SLC2A7: variants seen among roughly 807,000 people sequenced by gnomAD.
SLC2A7 encodes the protein solute carrier family 2, facilitated glucose transporter member 7.
A neutral mutation model predicts 50.5 loss-of-function variants in SLC2A7; 50 were observed. The ratio of observed to expected loss-of-function variants is 0.99; its 90% confidence interval spans 0.79 to 1.25. The LOEUF (loss-of-function observed/expected upper bound fraction) is 1.25, where lower values mean the gene tolerates loss of function less well. SLC2A7 is among the 50% of genes most tolerant of loss of function. The pLI is 0.00. For missense variants in SLC2A7, 683 were observed against 679.1 expected, an observed-to-expected ratio of 1.01 and a Z score of -0.06; for synonymous variants, 308 against 300.4, an observed-to-expected ratio of 1.03 and a Z score of -0.26.
intron 3 of SLC2A7, 24 bp from the exon 4 acceptor site, chr1:9,019,357 G>C: frequency 6.2e-7 from 1 of 1,613,122 alleles, no homozygotes; most frequent in Non-Finnish European, 8.5e-7. Flanking sequence ...GAGCCCAGAG[G>C]GCAGGGGTGC....
chr1:9,007,389 T>C lies in SLC2A7; in HGVS notation c.1117-4A>G, dbSNP rs367742713. On this transcript the variant is annotated splice_region_variant and splice_polypyrimidine_tract_variant and intron_variant, in intron 9 of 11. Transcript: ENST00000400906. ...AGGACAGCTCGGGGACCCTGTTCTG[T>C]GGGGAGAGGCAGGGCTGTCTGGGCT... The C allele has an allele frequency of 2.5e-6, 4 of 1,613,990 alleles. No homozygotes were observed. The highest frequency in any genetic ancestry group is 3.4e-6 in the Non-Finnish European group (4 of 1,179,956).
In SLC2A7 at chr1:9,015,890, A is replaced by AT. The variant is rs61401297; in HGVS notation, c.590-649dup. On this transcript the variant is annotated intron_variant, in intron 5 of 11. Coordinates refer to ENST00000400906, the MANE Select transcript of SLC2A7 (RefSeq NM_207420.3). ...ACGCGTGCATTACCGCACCTGGCTC[A>AT]TTTTTTTTTTTTTAATTTTTAGTAG... Among the ~76,000 whole-genome samples the AT allele has an allele frequency of 8.6e-3, 1,268 of 147,134 alleles. 10 individuals carry two copies. The highest frequency in any genetic ancestry group is 0.028 in the African/African-American group (1,140 of 40,044).
Position 9,004,791 on chromosome 1 carries a change from G to A in SLC2A7, c.1281C>T (p.Leu427=). 2 of 1,614,092 alleles carry A rather than the reference G, an allele frequency of 1.2e-6. No individual in the cohort carries two copies. Among genetic ancestry groups the A allele is most frequent in the East Asian group, 4.5e-5 (2 of 44,874 alleles). Residue 427 remains leucine (L), a synonymous_variant, in exon 11 of 12, where the codon CTC becomes CTT. Coordinates refer to ENST00000400906, the MANE Select transcript of SLC2A7 (RefSeq NM_207420.3). ...AFMVDGAVHW[L]TNFIIGFLFP... ...ACAGGAAGCCTATGATGAAGTTGGT[G>A]AGCCAGTGCACTGCCCCGTCCACCA...
At chr1:9,014,359 C>A (rs879572485) in intron 7 of SLC2A7, among the ~76,000 whole-genome samples, 1 of 152,234 alleles carries the variant, frequency 6.6e-6, no homozygotes, top group Admixed American at 6.5e-5. Flanking sequence ...GCCTACCAAC[C>A]CAGGCCTGGT....
rs755192003 is a variant in SLC2A7, at chr1:9,013,491, CCT to C, written c.1014+32_1014+33del. The C allele has an allele frequency of 1.1e-5, 17 of 1,590,606 alleles. No homozygotes were observed. In the South Asian group the frequency reaches 1.7e-4, roughly 16 times the overall value. The stretch of plus-strand genomic sequence containing the variant: ...TGCCTGGCGGCACCTGGCCAGAGAC[CCT>C]CCAGCAGGAAGGATGCCTCCTGCTC... On this transcript the variant is annotated intron_variant, in intron 8 of 11. Transcript: ENST00000400906.
the SLC2A7 span, among the ~76,000 whole-genome samples, chr1:8,993,629 CTTTA>C: frequency 5.9e-3 from 891 of 152,062 alleles, 11 homozygotes; most frequent in African/African-American, 0.02. Flanking sequence ...AAAAACATGA[CTTTA>C]TTTATTTATT....
chr1:9,003,323 G>A lies in SLC2A7; in HGVS notation c.1516C>T (p.Pro506Ser), dbSNP rs756550322. 1.2e-6 allele frequency: 2 copies of A among 1,614,222 alleles called. No individual in the cohort carries two copies. The highest frequency in any genetic ancestry group is 1.1e-5 in the South Asian group (1 of 91,086). Residue 506 changes from proline to serine, a missense_variant, in exon 12 of 12, where the codon CCT (proline) becomes TCT (serine). Transcript: ENST00000400906. ...TIDAGPPTAS[P>S]AKETSF is the part of the protein sequence containing the mutation. ...CACTAAAAGGAAGTTTCCTTGGCAG[G>A]AGAGGCTGTGGGAGGCCCAGCATCA...
chr1:9,011,746 C>CTTTTTTTTTTTTTTTTTTTTTTT (rs34758810), intron 8 of SLC2A7, among the ~76,000 whole-genome samples: 1 of 93,230 alleles, frequency 1.1e-5, no homozygotes, highest in Non-Finnish European at 2.0e-5. Flanking sequence ...TCTTCTTCTT[C>CTTTTTTTTTTTTTTTTTTTTTTT]TTTTTTTTTT....
At chr1:9,024,875 A>G in intron 2 of SLC2A7, 101 bp downstream of exon 2, 1 of 1,350,936 alleles carries the variant, frequency 7.4e-7, no homozygotes. Flanking sequence ...TGCCTCCTAC[A>G]GGCAAGATGG....
chr1:9,003,631 GTGGA>G, intron 11 of SLC2A7, 113 bp from the exon 12 acceptor site: 1 of 864,424 alleles, frequency 1.2e-6, no homozygotes, highest in South Asian at 1.6e-5. Flanking sequence ...GCCAAGACAG[GTGGA>G]TCACCTGAGG....
the SLC2A7 span, among the ~76,000 whole-genome samples, chr1:8,995,753 A>G: frequency 2.0e-5 from 3 of 151,998 alleles, no homozygotes; most frequent in Non-Finnish European, 4.4e-5. Flanking sequence ...CTCAAAAAAA[A>G]TTTTTTTATT....
intron 5 of SLC2A7, among the ~76,000 whole-genome samples, chr1:9,017,493 C>T (rs1279453886): frequency 3.3e-5 from 5 of 152,216 alleles, no homozygotes; most frequent in African/African-American, 7.2e-5. Context: ...AGACAGGCCT[C>T]GCGGGGTCTC....
In SLC2A7 at chr1:9,022,911, T is replaced by C; in HGVS notation, c.311+7A>G. On this transcript the variant is annotated splice_region_variant and intron_variant, in intron 3 of 11. Transcript: ENST00000400906. Reference sequence around the variant, plus strand: ...TTTTAAGTGGGAGCAGTGCACCTTCTGTTTACCTGCCGCAGCTATCAACCA... The same window carrying C: ...TTTTAAGTGGGAGCAGTGCACCTTCCGTTTACCTGCCGCAGCTATCAACCA... The C allele has an allele frequency of 6.2e-6, 10 of 1,613,824 alleles. No homozygotes were observed. The highest frequency in any genetic ancestry group is 8.5e-6 in the Non-Finnish European group (10 of 1,179,878).
chr1:9,016,852 T>C (rs112850715), intron 5 of SLC2A7, among the ~76,000 whole-genome samples: 81 of 152,282 alleles, frequency 5.3e-4, no homozygotes, highest in African/African-American at 1.8e-3. Flanking sequence ...TGTCTCTCAC[T>C]TTCTCCTGTT....
In SLC2A7 at chr1:9,018,476, T is replaced by C. The variant is rs1640865010; in HGVS notation, c.437-101A>G. On this transcript the variant is annotated intron_variant, in intron 4 of 11. Coordinates refer to ENST00000400906, the MANE Select transcript of SLC2A7 (RefSeq NM_207420.3). ...CTAATCCCGGGGCTTCTCCATGCTG[T>C]CAGCCCCTCCGTGGAGATGGAGCTC... is the stretch of plus-strand genomic sequence containing the variant. 7.4e-6 allele frequency: 11 copies of C among 1,495,038 alleles called. 1 individual carries two copies. In the Middle Eastern group the frequency reaches 1.2e-3, roughly 165 times the overall value. 92.6% of individuals were successfully genotyped at this position (1,495,038 alleles called of 1,614,324 possible).
downstream of SLC2A7, among the ~76,000 whole-genome samples, chr1:8,998,002 C>T (rs912186057): frequency 1.4e-4 from 21 of 152,094 alleles, no homozygotes; most frequent in African/African-American, 2.2e-4. Context: ...TTTGTATATA[C>T]GATGTGAGGT....
At chr1:9,015,321 C>T in intron 5 of SLC2A7, 79 bp from the exon 6 acceptor site, 1 of 1,459,938 alleles carries the variant, frequency 6.8e-7, no homozygotes, top group Non-Finnish European at 9.0e-7. Context: ...GAAGGTCACG[C>T]TCCTATGTGT....
downstream of SLC2A7, among the ~76,000 whole-genome samples, chr1:9,001,131 C>T (rs930170888): frequency 5.9e-5 from 9 of 152,108 alleles, no homozygotes; most frequent in Non-Finnish European, 1.3e-4. Flanking sequence ...AAAAGATGCA[C>T]GGTGATTCCA....
In SLC2A7 at chr1:9,014,819, G is replaced by A; in HGVS notation, c.765C>T (p.Asp255=). 1.2e-6 allele frequency: 2 copies of A among 1,605,948 alleles called. No homozygotes were observed. The highest frequency in any genetic ancestry group is 1.7e-6 in the Non-Finnish European group (2 of 1,177,098). ...GCTCGGCCCGGGCCTCCGCACGCAT[G>A]TCCTCCAGCTCGGCCTCCATGTCCG... ...GHTDMEAELE[D]MRAEARAERA... is the part of the protein sequence containing the mutation. The change falls in exon 7 of 12, where the codon GAC becomes GAT. Residue 255 remains aspartate, a synonymous_variant. Transcript: ENST00000400906.
Sources: gnomAD v4.1 joint callset for allele counts (sites outside exome capture counted in the v4.1 genomes callset) on GRCh38, gnomAD v4.1.1 for gene constraint, MANE v1.5 for transcripts, NCBI Gene and HGNC (gene_info 2026-07-23, HGNC 2026-07-21) for gene names.